The following ITPR2 variants were observed in gnomAD, a reference collection of about 807,000 sequenced individuals.
ITPR2 encodes inositol 1,4,5-trisphosphate-gated calcium channel ITPR2.
A neutral mutation model predicts 317.1 loss-of-function variants in ITPR2; 207 were observed. That is an observed-to-expected ratio of 0.65 (90% CI 0.58 to 0.73). The LOEUF is 0.73. Among genes scored for constraint, ITPR2 ranks in the 30% least tolerant of loss-of-function variants. The probability of loss-of-function intolerance (pLI) is 0.00; values close to 1 mark genes in which losing one functional copy is unlikely to be tolerated. For missense variants in ITPR2, 2,613 were observed against 3,284.0 expected, an observed-to-expected ratio of 0.80 and a Z score of 4.99; for synonymous variants, 1,156 against 1,149.1, an observed-to-expected ratio of 1.01 and a Z score of -0.12.
At chr12:26,537,551 G>A (rs1179691154) in intron 37 of ITPR2, among the ~76,000 whole-genome samples, 1 of 152,174 alleles carries the variant, frequency 6.6e-6, no homozygotes, top group African/African-American at 2.4e-5. Flanking sequence ...ATAAGTACAT[G>A]TCTCTGAGTC....
At chr12:26,571,589 T>C (rs763583402) in intron 34 of ITPR2, among the ~76,000 whole-genome samples, 3 of 152,262 alleles carry the variant, frequency 2.0e-5, no homozygotes, top group Non-Finnish European at 2.9e-5. Flanking sequence ...TGATTTGTGA[T>C]AGCAGAGCAG....
chr12:26,562,120 C>T (rs1255968836), intron 34 of ITPR2, among the ~76,000 whole-genome samples, 168 bp from the exon 35 acceptor site: 1 of 152,124 alleles, frequency 6.6e-6, no homozygotes, highest in Non-Finnish European at 1.5e-5. Context: ...TATTTCAATT[C>T]TTAAGACCAA....
chr12:26,737,263 T>C (rs979595209), intron 2 of ITPR2, among the ~76,000 whole-genome samples: 8 of 151,950 alleles, frequency 5.3e-5, no homozygotes, highest in Non-Finnish European at 1.0e-4. Flanking sequence ...TTTCTTTCTT[T>C]CTTTCTTTTT....
At position 26,415,411 on chromosome 12, in the gene ITPR2, C is replaced by A; in HGVS notation, c.7198G>T (p.Val2400Phe). 1 of 1,613,068 alleles carries A rather than the reference C, an allele frequency of 6.2e-7. No homozygotes were observed. Among genetic ancestry groups the A allele is most frequent in the Non-Finnish European group, 8.5e-7 (1 of 1,179,340 alleles). ...AGGTAGACGAGGATGAGAGCCAGGA[C>A]TGCAGTTAGAATAATAGAGCGGCCA... Reference protein sequence around the residue: ...RNGRSIILTAVLALILVYLFS... With the variant: ...RNGRSIILTAFLALILVYLFS... Residue 2400 changes from valine (V) to phenylalanine (F), a missense_variant, in exon 51 of 57, where the codon GTC becomes TTC. Physicochemically the swap from Val to Phe is conservative, Grantham distance 50. Around this residue, in one of 9 missense-constraint regions of ITPR2, gnomAD observed 14 missense variants for 48.2 expected, o/e 0.29. Coordinates refer to ENST00000381340, the MANE Select transcript of ITPR2 (RefSeq NM_002223.4).
At position 26,419,180 on chromosome 12, in the gene ITPR2, CA is replaced by C; in HGVS notation, c.6978del (p.Phe2326LeufsTer57). 1 of 1,613,536 alleles carries C rather than the reference CA, an allele frequency of 6.2e-7. No individual in the cohort carries two copies. Among genetic ancestry groups the C allele is most frequent in the Non-Finnish European group, 8.5e-7 (1 of 1,179,692 alleles). On this transcript the variant is annotated frameshift_variant, in exon 50 of 57. Transcript: ENST00000381340. LOFTEE classifies it high-confidence loss of function. ...CGGGTGAACGTGCCACGATTTCCAA[CA>C]AAACTCACCAGAAAAACAATTTTAT... ...LCNKIVFLVS[F>X]VGNRGTFTRG...
intron 51 of ITPR2, among the ~76,000 whole-genome samples, chr12:26,412,047 T>TA (rs1565512077): frequency 6.6e-6 from 1 of 152,238 alleles, no homozygotes; most frequent in South Asian, 2.1e-4. Flanking sequence ...TTTATTTTTT[T>TA]AAATGTTGTT....
chr12:26,724,834 GC>G, intron 3 of ITPR2, 92 bp from the exon 4 acceptor site: 1 of 748,882 alleles, frequency 1.3e-6, no homozygotes, highest in Non-Finnish European at 2.2e-6. Flanking sequence ...CAAGACTATA[GC>G]CAGGAATAAA....
At chr12:26,672,693 C>G (rs1326524156) in intron 13 of ITPR2, among the ~76,000 whole-genome samples, 10 of 151,700 alleles carry the variant, frequency 6.6e-5, no homozygotes, top group Non-Finnish European at 2.9e-5. Context: ...CAAGAAATAA[C>G]TAAAATCAGA....
At chr12:26,674,329 T>TA in intron 13 of ITPR2, among the ~76,000 whole-genome samples, 2 of 152,322 alleles carry the variant, frequency 1.3e-5, no homozygotes, top group South Asian at 4.1e-4. Flanking sequence ...AACAGCATGG[T>TA]ACTGGTACCA....
At chr12:26,754,553 A>T (rs1949487065) in intron 2 of ITPR2, among the ~76,000 whole-genome samples, 1 of 152,244 alleles carries the variant, frequency 6.6e-6, no homozygotes, top group Non-Finnish European at 1.5e-5. Context: ...AAAGAAAGTG[A>T]AATGTGTTTT....
intron 21 of ITPR2, among the ~76,000 whole-genome samples, chr12:26,648,313 C>T (rs759713836): frequency 3.9e-5 from 6 of 152,172 alleles, no homozygotes; most frequent in African/African-American, 1.2e-4. Flanking sequence ...TGCTCTCCTG[C>T]GTCTGACCTG....
At chr12:26,731,091 T>C (rs1949020934) in intron 2 of ITPR2, among the ~76,000 whole-genome samples, 1 of 151,318 alleles carries the variant, frequency 6.6e-6, no homozygotes, top group Admixed American at 6.6e-5. Context: ...TCAAGCTATG[T>C]CTTGGCCAGC....
chr12:26,781,990 C>CTATATATATATA (rs1491564819), intron 2 of ITPR2, among the ~76,000 whole-genome samples: 2 of 60,318 alleles, frequency 3.3e-5, no homozygotes, highest in African/African-American at 1.3e-4. Flanking sequence ...ATAAACTCCC[C>CTATATATATATA]TGTATATATA....
At chr12:26,667,371 C>A (rs1045398572) in intron 13 of ITPR2, among the ~76,000 whole-genome samples, 1 of 152,314 alleles carries the variant, frequency 6.6e-6, no homozygotes, top group Non-Finnish European at 1.5e-5. Flanking sequence ...TTCCAGGGAT[C>A]ATAAACTCCA....
chr12:26,559,921 C>T (rs1015559665), intron 35 of ITPR2, among the ~76,000 whole-genome samples: 8 of 152,224 alleles, frequency 5.3e-5, no homozygotes, highest in African/African-American at 1.7e-4. Flanking sequence ...TAATTCTCCA[C>T]CATGCTGTTA....
At chr12:26,724,597 G>A (rs1247561585) in intron 4 of ITPR2, 59 bp downstream of exon 4, 8 of 1,079,944 alleles carry the variant, frequency 7.4e-6, no homozygotes, top group Non-Finnish European at 7.0e-6. Context: ...TGGCTTTCCT[G>A]CCAACTTACT....
intron 37 of ITPR2, among the ~76,000 whole-genome samples, chr12:26,500,809 G>C (rs1476172099): frequency 6.6e-6 from 1 of 152,076 alleles, no homozygotes; most frequent in Non-Finnish European, 1.5e-5. Flanking sequence ...ATGCATCCTA[G>C]AAAGGACTAA....
chr12:26,578,538 T>A (rs1278999636), intron 34 of ITPR2, among the ~76,000 whole-genome samples, 175 bp downstream of exon 34: 1 of 152,170 alleles, frequency 6.6e-6, no homozygotes, highest in Non-Finnish European at 1.5e-5. Flanking sequence ...TATATCCTCC[T>A]CCCAAAAAGT....
At position 26,393,531 on chromosome 12, in the gene ITPR2, A is replaced by G. The variant is rs187658129; in HGVS notation, c.7696+5345T>C. ...TACTGAGGTTACAGAAAGTAGCAGC[A>G]AAAAGTACCTGAAGCCAATTATTCA... On this transcript the variant is annotated intron_variant, in intron 54 of 56. Coordinates refer to ENST00000381340, the MANE Select transcript of ITPR2 (RefSeq NM_002223.4). 3.4e-3 allele frequency among the ~76,000 whole-genome samples: 522 copies of G among 152,368 alleles called. 8 individuals are homozygous for G. The highest frequency in any genetic ancestry group is 0.012 in the African/African-American group (502 of 41,580).
Sources: gnomAD v4.1 joint callset for allele counts (sites outside exome capture counted in the v4.1 genomes callset) on GRCh38, gnomAD v4.1.1 for gene constraint, gnomAD v4.1.1 regional missense constraint, MANE v1.5 for transcripts, NCBI Gene and HGNC (gene_info 2026-07-23, HGNC 2026-07-21) for gene names.